GLI3: variants seen among roughly 807,000 people sequenced by gnomAD.
GLI3 encodes the protein transcription activator GLI3.
A neutral mutation model predicts 100.8 loss-of-function variants in GLI3; 20 were observed. The ratio of observed to expected loss-of-function variants is 0.20; its 90% CI spans 0.14 to 0.29. GLI3 has a LOEUF of 0.29. Among genes scored for constraint, GLI3 ranks in the 10% least tolerant of loss-of-function variants. The pLI is 1.00. For synonymous variants in GLI3, 938 were observed against 860.5 expected (o/e 1.09, Z -1.58); for missense variants, 2,040 against 2,128.5 (o/e 0.96, Z 0.82).
chr7:42,085,104 G>T (rs1583543383), intron 3 of GLI3, among the ~76,000 whole-genome samples: 1 of 151,848 alleles, frequency 6.6e-6, no homozygotes, highest in African/African-American at 2.4e-5. Flanking sequence ...TAGAGACAAG[G>T]ATTCACCATG....
chr7:42,237,959 G>C (rs1177011674), upstream of GLI3: 1 of 145,216 alleles, frequency 6.9e-6, no homozygotes, highest in South Asian at 1.9e-4. Context: ...AGCCACGCGC[G>C]CGCTCCCTCC....
At chr7:42,195,483 C>T (rs547964260) in intron 2 of GLI3, among the ~76,000 whole-genome samples, 12 of 152,278 alleles carry the variant, frequency 7.9e-5, no homozygotes, top group Non-Finnish European at 1.8e-4. Context: ...TGCCTCCTCA[C>T]ATCTGTTTTT....
At chr7:42,084,321 C>T (rs1345963291) in intron 3 of GLI3, among the ~76,000 whole-genome samples, 1 of 152,200 alleles carries the variant, frequency 6.6e-6, no homozygotes, top group African/African-American at 2.4e-5. Context: ...ACAAAAGAAA[C>T]CTCTGCCTTT....
At chr7:42,231,780 C>T (rs890018979) in intron 1 of GLI3, among the ~76,000 whole-genome samples, 4 of 152,100 alleles carry the variant, frequency 2.6e-5, no homozygotes, top group Admixed American at 1.3e-4. Context: ...TCCTTCATTA[C>T]TGCAATTTGA....
chr7:42,041,475 A>G (rs978978718), intron 6 of GLI3, among the ~76,000 whole-genome samples: 1 of 152,262 alleles, frequency 6.6e-6, no homozygotes, highest in Non-Finnish European at 1.5e-5. Flanking sequence ...CTAAAGTTTA[A>G]TGAACGAATG....
At chr7:42,031,419 G>A (rs1436005869) in intron 7 of GLI3, among the ~76,000 whole-genome samples, 1 of 152,160 alleles carries the variant, frequency 6.6e-6, no homozygotes, top group Non-Finnish European at 1.5e-5. Flanking sequence ...CTCCTGAGGT[G>A]AGTAAGTGTA....
At chr7:42,042,083 G>C (rs966311948) in intron 6 of GLI3, among the ~76,000 whole-genome samples, 1 of 149,218 alleles carries the variant, frequency 6.7e-6, no homozygotes, top group South Asian at 2.1e-4. Context: ...GCACGATCTC[G>C]GCTCACTGCA....
At chr7:42,135,750 C>T (rs1786413397) in intron 3 of GLI3, among the ~76,000 whole-genome samples, 1 of 152,208 alleles carries the variant, frequency 6.6e-6, no homozygotes, top group Non-Finnish European at 1.5e-5. Flanking sequence ...ACCTCTTCAT[C>T]ATGCTTAAGA....
Position 41,972,490 on chromosome 7 carries a change from C to A in GLI3, c.1950G>T (p.Pro650=), listed in dbSNP as rs376865755. Residue 650 remains proline, a synonymous_variant, in exon 13 of 15, where the codon CCG becomes CCT. Coordinates refer to ENST00000395925, the MANE Select transcript of GLI3 (RefSeq NM_000168.6). This position sits in a 1 kb window ranked among gnomAD's most constrained non-coding sequence, Gnocchi z 4.4. ...GGCTGCCGGAATCTCTCGGGGGTGG[C>A]GGCCGAGGATGGATGTCCCCTCGCT... ...KKQRGDIHPR[P]PPPRDSGSHS... 6.2e-7 allele frequency: 1 copy of A among 1,613,376 alleles called. No individual in the cohort carries two copies. The highest frequency in any genetic ancestry group is 8.5e-7 in the Non-Finnish European group (1 of 1,180,004).
intron 3 of GLI3, among the ~76,000 whole-genome samples, chr7:42,087,261 G>A (rs1462743804): frequency 6.6e-6 from 1 of 152,192 alleles, no homozygotes; most frequent in Non-Finnish European, 1.5e-5. Flanking sequence ...CACAGGTATG[G>A]GCTGTCTCCT....
At chr7:42,220,676 A>G (rs1215337598) in intron 2 of GLI3, among the ~76,000 whole-genome samples, 1 of 152,212 alleles carries the variant, frequency 6.6e-6, no homozygotes, top group African/African-American at 2.4e-5. Context: ...AAAAAAGACC[A>G]TGGTAATTAT....
chr7:42,169,396 GT>G (rs1243900856), intron 2 of GLI3, among the ~76,000 whole-genome samples: 1 of 151,880 alleles, frequency 6.6e-6, no homozygotes, highest in Non-Finnish European at 1.5e-5. Context: ...ATTTCATTGT[GT>G]TATGAAAAAA....
At chr7:41,980,563 T>C (rs972100810) in intron 10 of GLI3, among the ~76,000 whole-genome samples, 1 of 151,658 alleles carries the variant, frequency 6.6e-6, no homozygotes, top group African/African-American at 2.4e-5. Flanking sequence ...AAAGCTTGGA[T>C]CCTTGGATTA....
intron 7 of GLI3, among the ~76,000 whole-genome samples, chr7:42,036,620 T>G (rs1789445476): frequency 6.6e-6 from 1 of 152,322 alleles, no homozygotes; most frequent in East Asian, 1.9e-4. Context: ...TCTTAGAAAC[T>G]GAATGAGTAT....
intron 3 of GLI3, among the ~76,000 whole-genome samples, chr7:42,101,975 G>A (rs1045868126): frequency 1.3e-5 from 2 of 151,014 alleles, no homozygotes; most frequent in African/African-American, 4.9e-5. Context: ...TGAGAATGAT[G>A]GTTTCCAATT....
intron 3 of GLI3, among the ~76,000 whole-genome samples, chr7:42,081,928 T>C (rs2128753350): frequency 6.6e-6 from 1 of 152,174 alleles, no homozygotes; most frequent in Middle Eastern, 3.4e-3. Flanking sequence ...TGAAGTCGTC[T>C]GTACCCTGGC....
chr7:42,091,301 T>C (rs1785212690), intron 3 of GLI3, among the ~76,000 whole-genome samples: 1 of 152,208 alleles, frequency 6.6e-6, no homozygotes, highest in Non-Finnish European at 1.5e-5. Context: ...CACTGGGTGA[T>C]TGCACACATC....
chr7:42,182,664 A>ATACGTGTGTGTG (rs57881865), intron 2 of GLI3, among the ~76,000 whole-genome samples: 22 of 78,318 alleles, frequency 2.8e-4, no homozygotes, highest in Non-Finnish European at 4.2e-4. Context: ...ATATATATAT[A>ATACGTGTGTGTG]TATATATATA....
intron 3 of GLI3, among the ~76,000 whole-genome samples, chr7:42,125,357 C>G (rs1039464483): frequency 6.6e-6 from 1 of 152,216 alleles, no homozygotes; most frequent in Admixed American, 6.5e-5. Context: ...GGCTGAACAA[C>G]AGCAGCAGAC....
Sources: allele counts gnomAD v4.1 joint callset (sites outside exome capture counted in the v4.1 genomes callset), GRCh38; gene constraint gnomAD v4.1.1; non-coding constraint Gnocchi (gnomAD v3.1); transcripts MANE v1.5; gene names NCBI Gene and HGNC (gene_info 2026-07-23, HGNC 2026-07-21).